Variants in FXN observed in about 807,000 individuals in gnomAD.
The protein encoded by FXN is frataxin, also known as frataxin, mitochondrial.
FXN carries 14 observed loss-of-function variants against 22.4 expected under a neutral mutation model. That is an observed-to-expected ratio of 0.62 (90% CI 0.41 to 0.98). The LOEUF is 0.98. Among genes scored for constraint, FXN ranks in the 50% least tolerant of loss-of-function variants. The pLI is 0.00. For missense variants in FXN, 267 were observed against 268.4 expected (o/e 0.99, Z 0.04); for synonymous variants, 120 against 114.1 (o/e 1.05, Z -0.33).
rs1350381113 is a variant in FXN, at chr9:69,073,414, A to T, written c.*652A>T. 4.1e-6 allele frequency: 4 copies of T among 985,214 alleles called. No homozygotes were observed. In the African/African-American group the frequency reaches 7.0e-5, roughly 17 times the overall value. The allele number at this position is 985,214 out of a possible 1,614,324, so 61.0% of individuals were successfully genotyped here. A position where few individuals can be genotyped will look rare whatever the true frequency, so the allele number is the denominator to read the frequency against. On this transcript the variant is annotated 3_prime_UTR_variant, in exon 5 of 5. Coordinates refer to ENST00000484259, the MANE Select transcript of FXN (RefSeq NM_000144.5). ...CACATACGTGTCTGTGTGTATATAT[A>T]TTTTTTCAATTTAAAGGTTAGTATG...
At chr9:69,039,369 G>T (rs891283154) in intron 1 of FXN, among the ~76,000 whole-genome samples, 1 of 152,152 alleles carries the variant, frequency 6.6e-6, no homozygotes, top group Admixed American at 6.5e-5. Flanking sequence ...CATTTCTAGT[G>T]CTCAGTAGCC....
chr9:69,037,284 A>AAAAAAAAAAAAAAAAAAAAGAAGAAG (rs544093183), intron 1 of FXN, among the ~76,000 whole-genome samples: 2 of 78,060 alleles, frequency 2.6e-5, no homozygotes, highest in Non-Finnish European at 5.1e-5. Flanking sequence ...AAAAAAAAAA[A>AAAAAAAAAAAAAAAAAAAAGAAGAAG]AAGAAGAAGA....
rs1832307600 is a variant in FXN, at chr9:69,073,295, G to A, written c.*533G>A. The A allele has an allele frequency of 5.0e-6, 5 of 1,002,718 alleles. No individual in the cohort carries two copies. The highest frequency in any genetic ancestry group is 6.0e-6 in the Non-Finnish European group (5 of 839,858). The allele number at this position is 1,002,718 out of a possible 1,614,324, so 62.1% of individuals were successfully genotyped here. Reference sequence around the variant, plus strand: ...TTGAAGTGTCGAAAGCAACTCACACGGGAAGATCATTTCTTATTTGTGCTC... The same window carrying A: ...TTGAAGTGTCGAAAGCAACTCACACAGGAAGATCATTTCTTATTTGTGCTC... On this transcript the variant is annotated 3_prime_UTR_variant, in exon 5 of 5. Transcript: ENST00000484259.
At chr9:69,062,683 C>G (rs1832097167) in intron 3 of FXN, among the ~76,000 whole-genome samples, 1 of 151,426 alleles carries the variant, frequency 6.6e-6, no homozygotes, top group Admixed American at 6.6e-5. Flanking sequence ...TTTTTTTAGT[C>G]AAAATCATAG....
chr9:69,036,012 C>T (rs931121952), intron 1 of FXN, 65 bp downstream of exon 1: 63 of 1,216,838 alleles, frequency 5.2e-5, no homozygotes, highest in Non-Finnish European at 6.3e-5. Flanking sequence ...CACGCCTGCG[C>T]AGGGAGGCGC....
chr9:69,053,171 G>A lies in FXN; in HGVS notation c.295G>A (p.Ala99Thr), dbSNP rs766086086. 1 of 1,613,806 alleles carries A rather than the reference G, an allele frequency of 6.2e-7. No individual in the cohort carries two copies. The highest frequency in any genetic ancestry group is 2.2e-5 in the East Asian group (1 of 44,870). Reference protein sequence around the residue: ...SLDETTYERLAEETLDSLAEF... With the variant: ...SLDETTYERLTEETLDSLAEF... ...AGATGAGACCACCTATGAAAGACTA[G>A]CAGAGGAAACGCTGGACTCTTTAGC... The change falls in exon 3 of 5, where the codon GCA becomes ACA. Residue 99 changes from alanine to threonine, a missense_variant. Ala to Thr is a moderately conservative substitution (Grantham distance 58). Transcript: ENST00000484259.
At chr9:69,050,890 C>T (rs1355578138) in intron 2 of FXN, among the ~76,000 whole-genome samples, 9 of 151,784 alleles carry the variant, frequency 5.9e-5, no homozygotes, top group Non-Finnish European at 8.8e-5. Flanking sequence ...AAGCAATTCT[C>T]CTGCCTCAGC....
intron 3 of FXN, among the ~76,000 whole-genome samples, chr9:69,054,188 C>T (rs759716244): frequency 8.5e-5 from 13 of 152,074 alleles, no homozygotes; most frequent in Middle Eastern, 3.4e-3. Context: ...TTAGTAAAGA[C>T]GGGGTTTCAC....
chr9:69,058,160 A>C (rs1457056970), intron 3 of FXN, among the ~76,000 whole-genome samples: 1 of 152,190 alleles, frequency 6.6e-6, no homozygotes, highest in African/African-American at 2.4e-5. Context: ...GGGAGACTTA[A>C]GTGGCTTCTT....
intron 4 of FXN, among the ~76,000 whole-genome samples, chr9:69,070,218 G>T (rs1439856420): frequency 6.7e-6 from 1 of 148,658 alleles, no homozygotes; most frequent in Admixed American, 6.7e-5. Context: ...GACACAGTGA[G>T]ACCCCATCTC....
intron 3 of FXN, 112 bp from the exon 4 acceptor site, chr9:69,064,826 G>C (rs9411181): frequency 8.9e-5 from 64 of 718,704 alleles, no homozygotes; most frequent in Non-Finnish European, 1.5e-4. Flanking sequence ...GGTGTATTTT[G>C]TGTACTTGTA....
Position 69,073,343 on chromosome 9 carries a change from G to C in FXN, c.*581G>C. On this transcript the variant is annotated 3_prime_UTR_variant, in exon 5 of 5. Transcript: ENST00000484259. ...CTCTGTGACTGCCAAGGTGTGGCCT[G>C]CACTGGGTTGTCCAGGGAGACCTAG... is the stretch of plus-strand genomic sequence containing the variant. 1.0e-6 allele frequency: 1 copy of C among 992,048 alleles called. No homozygotes were observed. 61.5% of individuals were successfully genotyped at this position (992,048 alleles called of 1,614,324 possible). A position where few individuals can be genotyped will look rare whatever the true frequency, so the allele number is the denominator to read the frequency against.
intron 1 of FXN, among the ~76,000 whole-genome samples, chr9:69,045,508 A>C (rs1587817493): frequency 2.6e-5 from 4 of 152,008 alleles, no homozygotes; most frequent in Admixed American, 2.6e-4. Flanking sequence ...CACGAGAATC[A>C]CTCGAACCCG....
intron 2 of FXN, among the ~76,000 whole-genome samples, chr9:69,051,936 C>A (rs1175538264): frequency 1.3e-5 from 2 of 152,118 alleles, no homozygotes; most frequent in African/African-American, 4.8e-5. Context: ...CAACCTCCGC[C>A]CCCTGGATTC....
intron 1 of FXN, among the ~76,000 whole-genome samples, chr9:69,041,684 T>G (rs1294101707): frequency 6.6e-6 from 1 of 152,198 alleles, no homozygotes; most frequent in African/African-American, 2.4e-5. Flanking sequence ...GAAGGAAAGC[T>G]GGGCTCCCTG....
At chr9:69,063,956 T>TAAAA (rs1396694927) in intron 3 of FXN, among the ~76,000 whole-genome samples, 10 of 152,224 alleles carry the variant, frequency 6.6e-5, no homozygotes, top group Non-Finnish European at 4.4e-5. Flanking sequence ...AGTGCTGGAA[T>TAAAA]TTCAGGCATG....
At chr9:69,052,700 G>A (rs920101025) in intron 2 of FXN, among the ~76,000 whole-genome samples, 4 of 151,590 alleles carry the variant, frequency 2.6e-5, no homozygotes, top group Admixed American at 6.6e-5. Flanking sequence ...CCGTCACCAC[G>A]CCCGGCTAAT....
chr9:69,072,095 C>G (rs1832286541), intron 4 of FXN, among the ~76,000 whole-genome samples: 1 of 152,188 alleles, frequency 6.6e-6, no homozygotes, highest in Non-Finnish European at 1.5e-5. Flanking sequence ...AACAACAGCA[C>G]TGGGTCTCCT....
At position 69,078,884 on chromosome 9, in the gene FXN, G is replaced by A; in HGVS notation, c.*6122G>A. ...TACCATGTTTGTCTTTCCCAGCACT[G>A]ACCTACCATGTGTCACCCCTGCTTG... On this transcript the variant is annotated 3_prime_UTR_variant, in exon 5 of 5. Transcript: ENST00000484259. 1 of 985,588 alleles carries A rather than the reference G, an allele frequency of 1.0e-6. No homozygotes were observed. The highest frequency in any genetic ancestry group is 1.7e-5 in the African/African-American group (1 of 57,332). 61.1% of individuals were successfully genotyped at this position (985,588 alleles called of 1,614,324 possible). A position where few individuals can be genotyped will look rare whatever the true frequency, so the allele number is the denominator to read the frequency against.
Sources: allele counts gnomAD v4.1 joint callset (sites outside exome capture counted in the v4.1 genomes callset), GRCh38; gene constraint gnomAD v4.1.1; transcripts MANE v1.5; gene names NCBI Gene and HGNC (gene_info 2026-07-23, HGNC 2026-07-21).